GAS2: variants seen among roughly 807,000 people sequenced by gnomAD.
GAS2 encodes growth arrest-specific protein 2.
A neutral mutation model predicts 37.5 loss-of-function variants in GAS2; 20 were observed. That is an observed-to-expected ratio of 0.53 (90% CI 0.37 to 0.77). The LOEUF (loss-of-function observed/expected upper bound fraction) is 0.77. Ranked by LOEUF, GAS2 falls within the 30% of genes least tolerant of loss-of-function variation. The pLI, the probability that GAS2 is intolerant of heterozygous loss-of-function variation, is 0.00. For missense variants in GAS2, 336 were observed against 373.4 expected, an observed-to-expected ratio of 0.90 and a Z score of 0.82; for synonymous variants, 144 against 132.2, an observed-to-expected ratio of 1.09 and a Z score of -0.61.
At chr11:22,642,346 G>T (rs951567935) in intron 1 of GAS2, among the ~76,000 whole-genome samples, 3 of 152,068 alleles carry the variant, frequency 2.0e-5, no homozygotes, top group Non-Finnish European at 4.4e-5. Context: ...GAATGAGAAA[G>T]ACTATTCTAC....
At chr11:22,664,340 T>C (rs1848950744), upstream of GAS2, among the ~76,000 whole-genome samples, 1 of 151,602 alleles carries the variant, frequency 6.6e-6, no homozygotes, top group African/African-American at 2.4e-5. Context: ...AAAAATAACG[T>C]GTTTTATTGA....
intron 5 of GAS2, among the ~76,000 whole-genome samples, chr11:22,738,278 G>T (rs1852860448): frequency 6.6e-6 from 1 of 152,172 alleles, no homozygotes; most frequent in South Asian, 2.1e-4. Flanking sequence ...GAAAGACATA[G>T]AATGTTATCC....
At chr11:22,695,406 A>G (rs1208350714) in intron 3 of GAS2, among the ~76,000 whole-genome samples, 1 of 152,110 alleles carries the variant, frequency 6.6e-6, no homozygotes, top group African/African-American at 2.4e-5. Context: ...AAATTAATTG[A>G]TATACTTTTC....
upstream of GAS2, among the ~76,000 whole-genome samples, chr11:22,662,834 C>A (rs899713225): frequency 2.0e-5 from 3 of 151,552 alleles, no homozygotes; most frequent in African/African-American, 7.3e-5. Context: ...GCCTGGGCAA[C>A]ATAGTGGGAC....
At position 22,811,803 on chromosome 11, in the gene GAS2, G is replaced by GCACAC; in HGVS notation, c.733_734insCCACA (p.Asn245ThrfsTer22). 6.2e-7 allele frequency: 1 copy of GCACAC among 1,613,972 alleles called. No individual in the cohort carries two copies. The highest frequency in any genetic ancestry group is 1.1e-5 in the South Asian group (1 of 91,078). ...TTGATATTTTTTCATTTCAGATGCT[G>GCACAC]CACAACAAACATGTCATGGTCCGTG... On this transcript the variant is annotated frameshift_variant, in exon 8 of 8. Transcript: ENST00000454584. LOFTEE classifies it high-confidence loss of function.
intron 2 of GAS2, among the ~76,000 whole-genome samples, chr11:22,685,434 A>C (rs757504952): frequency 1.3e-5 from 2 of 152,176 alleles, no homozygotes; most frequent in Non-Finnish European, 2.9e-5. Flanking sequence ...TTTTATTTGA[A>C]ATAAAACTGT....
At chr11:22,785,517 A>G (rs953280508) in intron 7 of GAS2, among the ~76,000 whole-genome samples, 1 of 152,188 alleles carries the variant, frequency 6.6e-6, no homozygotes, top group Non-Finnish European at 1.5e-5. Flanking sequence ...AGAATAATGT[A>G]TGTGTTGATT....
intron 1 of GAS2, among the ~76,000 whole-genome samples, chr11:22,637,170 T>C (rs60899275): frequency 0.21 from 24,648 of 117,546 alleles, 3,268 homozygotes; most frequent in African/African-American, 0.39. Context: ...AATATTATAT[T>C]AATATATTAC....
intron 7 of GAS2, among the ~76,000 whole-genome samples, chr11:22,808,806 C>G (rs1204130784): frequency 6.6e-6 from 1 of 152,202 alleles, no homozygotes; most frequent in Admixed American, 6.5e-5. Flanking sequence ...AAGTGTTATT[C>G]TGACACTGGC....
intron 1 of GAS2, among the ~76,000 whole-genome samples, chr11:22,640,425 C>T (rs1858895425): frequency 6.6e-6 from 1 of 152,008 alleles, no homozygotes. Context: ...TAGAAAAGAG[C>T]TTTTATTTAA....
At chr11:22,644,275 T>C (rs2133821436) in intron 1 of GAS2, among the ~76,000 whole-genome samples, 1 of 152,262 alleles carries the variant, frequency 6.6e-6, no homozygotes, top group South Asian at 2.1e-4. Flanking sequence ...TCAAGGAGCA[T>C]TTTCCCCAGA....
intron 5 of GAS2, among the ~76,000 whole-genome samples, chr11:22,741,070 T>C (rs1479317799): frequency 6.6e-6 from 1 of 152,184 alleles, no homozygotes; most frequent in African/African-American, 2.4e-5. Context: ...TGGAAATGAT[T>C]CCCAGTGAGT....
At chr11:22,700,914 G>A (rs533575220) in intron 3 of GAS2, among the ~76,000 whole-genome samples, 1 of 152,128 alleles carries the variant, frequency 6.6e-6, no homozygotes, top group Non-Finnish European at 1.5e-5. Context: ...ATTACTAGAG[G>A]AGACATAAAG....
intron 1 of GAS2, among the ~76,000 whole-genome samples, chr11:22,652,911 C>T (rs148016244): frequency 3.9e-5 from 6 of 152,188 alleles, no homozygotes; most frequent in East Asian, 3.9e-4. Flanking sequence ...AGCTGTAGAC[C>T]GGAGCGGTTC....
chr11:22,781,521 A>G (rs1193848449), intron 7 of GAS2, among the ~76,000 whole-genome samples: 1 of 152,150 alleles, frequency 6.6e-6, no homozygotes, highest in African/African-American at 2.4e-5. Flanking sequence ...TTTCTCTCTG[A>G]GAGAAACAAG....
intron 4 of GAS2, among the ~76,000 whole-genome samples, chr11:22,730,843 G>A (rs1852436504): frequency 6.6e-6 from 1 of 151,560 alleles, no homozygotes; most frequent in African/African-American, 2.4e-5. Flanking sequence ...AAAGTTATTG[G>A]ACTGTATTAA....
chr11:22,757,941 G>T (rs1373339961), intron 7 of GAS2, among the ~76,000 whole-genome samples: 1 of 152,068 alleles, frequency 6.6e-6, no homozygotes, highest in South Asian at 2.1e-4. Context: ...TCATAGGCAG[G>T]TCACATGTGC....
intron 3 of GAS2, among the ~76,000 whole-genome samples, chr11:22,720,061 G>T (rs1295015149): frequency 6.6e-6 from 1 of 152,020 alleles, no homozygotes; most frequent in African/African-American, 2.4e-5. Flanking sequence ...ATAATTCAAA[G>T]TGCTGTACTT....
intron 7 of GAS2, among the ~76,000 whole-genome samples, chr11:22,791,179 A>G (rs976957368): frequency 1.3e-5 from 2 of 152,222 alleles, no homozygotes; most frequent in African/African-American, 4.8e-5. Flanking sequence ...TATGGTGAAG[A>G]TACTGAGTGA....
Sources: gnomAD v4.1 joint callset for allele counts (sites outside exome capture counted in the v4.1 genomes callset) on GRCh38, gnomAD v4.1.1 for gene constraint, MANE v1.5 for transcripts, NCBI Gene and HGNC (gene_info 2026-07-23, HGNC 2026-07-21) for gene names.